GRID1: variants seen among roughly 807,000 people sequenced by gnomAD.
GRID1 encodes glutamate ionotropic receptor delta type subunit 1.
Under a neutral mutation model 98.0 loss-of-function variants are expected in GRID1, and 28 were observed. The ratio of observed to expected loss-of-function variants is 0.29; its 90% CI spans 0.21 to 0.39. The LOEUF (loss-of-function observed/expected upper bound fraction) is 0.39, where lower values mean the gene tolerates loss of function less well. GRID1 is among the 10% of genes least tolerant of loss of function. The pLI is 1.00. For missense variants in GRID1, 1,111 were observed against 1,340.5 expected, an observed-to-expected ratio of 0.83 and a Z score of 2.67; for synonymous variants, 553 against 538.5, an observed-to-expected ratio of 1.03 and a Z score of -0.37.
At chr10:86,273,448 A>G (rs1011906709) in intron 2 of GRID1, among the ~76,000 whole-genome samples, 10 of 150,584 alleles carry the variant, frequency 6.6e-5, no homozygotes, top group Non-Finnish European at 1.0e-4. Flanking sequence ...TGGCTGGGTC[A>G]AATGGTAATT....
intron 3 of GRID1, among the ~76,000 whole-genome samples, chr10:86,168,276 G>T (rs57450431): frequency 6.6e-6 from 1 of 152,308 alleles, no homozygotes; most frequent in East Asian, 1.9e-4. Context: ...ACCACTTTGA[G>T]CCTCAGTTTC....
At chr10:85,973,090 A>T (rs1842428092) in intron 4 of GRID1, among the ~76,000 whole-genome samples, 2 of 152,296 alleles carry the variant, frequency 1.3e-5, no homozygotes, top group South Asian at 4.1e-4. Context: ...GGTGAACTGA[A>T]CCTTATTCAT....
intron 3 of GRID1, among the ~76,000 whole-genome samples, chr10:86,163,046 G>A (rs755215204): frequency 1.3e-5 from 2 of 152,222 alleles, no homozygotes; most frequent in Admixed American, 1.3e-4. Flanking sequence ...GAAACACAGG[G>A]GCTGAGATTC....
intron 4 of GRID1, among the ~76,000 whole-genome samples, chr10:86,032,886 T>A (rs1034986387): frequency 1.3e-5 from 2 of 150,546 alleles, no homozygotes; most frequent in African/African-American, 2.4e-5. Flanking sequence ...CCATTCAGTA[T>A]TCAAATTTCC....
intron 4 of GRID1, among the ~76,000 whole-genome samples, chr10:86,073,616 A>G (rs931651638): frequency 6.6e-6 from 1 of 152,206 alleles, no homozygotes; most frequent in African/African-American, 2.4e-5. Context: ...GCTGGCATGC[A>G]CACCTGTCTT....
At position 86,342,827 on chromosome 10, in the gene GRID1, G is replaced by T. The variant is rs116652658; in HGVS notation, c.235+21114C>A. Among the ~76,000 whole-genome samples the T allele has an allele frequency of 3.7e-3, 569 of 152,360 alleles. 3 individuals carry two copies. The highest frequency in any genetic ancestry group is 0.01 in the Middle Eastern group (3 of 294). ...GGCCCGACAGCCCATTCCGGAGAAGGGCTGACCATTGAAAGGTCTTATTTG... is the reference window on the plus strand; with the variant it reads ...GGCCCGACAGCCCATTCCGGAGAAGTGCTGACCATTGAAAGGTCTTATTTG... On this transcript the variant is annotated intron_variant, in intron 2 of 15. Coordinates refer to ENST00000327946, the MANE Select transcript of GRID1 (RefSeq NM_017551.3).
At chr10:86,364,904 A>G (rs887256957) in intron 1 of GRID1, among the ~76,000 whole-genome samples, 16 of 152,068 alleles carry the variant, frequency 1.1e-4, no homozygotes, top group African/African-American at 3.6e-4. Context: ...TTGTGCGCCT[A>G]GCACAGCTTC....
intron 8 of GRID1, among the ~76,000 whole-genome samples, chr10:85,770,041 C>G (rs1309035723): frequency 6.6e-6 from 1 of 152,206 alleles, no homozygotes; most frequent in Non-Finnish European, 1.5e-5. Flanking sequence ...GACCCTAACC[C>G]CTGACCCCTG....
chr10:85,875,485 T>C (rs1426025481), intron 5 of GRID1, among the ~76,000 whole-genome samples: 1 of 152,148 alleles, frequency 6.6e-6, no homozygotes, highest in Non-Finnish European at 1.5e-5. Flanking sequence ...TTTATATTCA[T>C]TATGATTATT....
In GRID1 at chr10:86,336,672, T is replaced by C. The variant is rs537639081; in HGVS notation, c.235+27269A>G. 5.9e-5 allele frequency among the ~76,000 whole-genome samples: 9 copies of C among 152,326 alleles called. 1 individual carries two copies. The South Asian group carries it at 1.9e-3, about 32-fold the overall frequency. On this transcript the variant is annotated intron_variant, in intron 2 of 15. Coordinates refer to ENST00000327946, the MANE Select transcript of GRID1 (RefSeq NM_017551.3). Reference sequence around the variant, plus strand: ...ATATCAGGTACTAAAGCGCAATGATTAGGTGACAAACCTCATTTGCCAGAA... The same window carrying C: ...ATATCAGGTACTAAAGCGCAATGATCAGGTGACAAACCTCATTTGCCAGAA...
chr10:85,892,735 C>T (rs1451005801), intron 5 of GRID1, among the ~76,000 whole-genome samples: 1 of 151,900 alleles, frequency 6.6e-6, no homozygotes, highest in Non-Finnish European at 1.5e-5. Flanking sequence ...TTCAGAGGAA[C>T]CTTTTCAGAC....
intron 2 of GRID1, among the ~76,000 whole-genome samples, chr10:86,348,532 C>A (rs142890087): frequency 1.1e-3 from 174 of 152,348 alleles, no homozygotes; most frequent in Non-Finnish European, 2.2e-3. Context: ...TGTGACCCTG[C>A]AGGCCAGCAG....
intron 5 of GRID1, among the ~76,000 whole-genome samples, chr10:85,878,083 A>G (rs1206428718): frequency 6.6e-6 from 1 of 152,248 alleles, no homozygotes; most frequent in African/African-American, 2.4e-5. Flanking sequence ...ACGAATAAAA[A>G]GAAAGGAACA....
intron 8 of GRID1, among the ~76,000 whole-genome samples, chr10:85,794,437 T>C (rs1016271102): frequency 6.6e-6 from 1 of 152,216 alleles, no homozygotes; most frequent in Non-Finnish European, 1.5e-5. Context: ...ATGAATTTTA[T>C]AAGTGTGTTT....
At chr10:85,687,576 G>C (rs148727629) in intron 12 of GRID1, among the ~76,000 whole-genome samples, 1 of 151,986 alleles carries the variant, frequency 6.6e-6, no homozygotes, top group Non-Finnish European at 1.5e-5. Flanking sequence ...GCTGCAATGA[G>C]CTAAGATGGC....
chr10:86,186,607 C>G (rs191991734), intron 3 of GRID1, among the ~76,000 whole-genome samples: 83 of 152,306 alleles, frequency 5.4e-4, no homozygotes, highest in African/African-American at 1.9e-3. Flanking sequence ...AGTTCAATAG[C>G]CTGCCTGAAC....
chr10:86,355,197 G>T (rs1309282973), intron 2 of GRID1, among the ~76,000 whole-genome samples: 1 of 152,248 alleles, frequency 6.6e-6, no homozygotes, highest in South Asian at 2.1e-4. Flanking sequence ...AACCGAGGTT[G>T]CCCACCCAGA....
At chr10:86,025,255 T>C (rs1246883494) in intron 4 of GRID1, among the ~76,000 whole-genome samples, 1 of 152,158 alleles carries the variant, frequency 6.6e-6, no homozygotes, top group South Asian at 2.1e-4. Context: ...AGTCTTCCTT[T>C]TGGGAGCACT....
chr10:85,919,244 C>T (rs1044475402), intron 4 of GRID1, among the ~76,000 whole-genome samples: 1 of 152,220 alleles, frequency 6.6e-6, no homozygotes, highest in African/African-American at 2.4e-5. Flanking sequence ...GAAGTACTTC[C>T]ACCTAGTATC....
Sources: gnomAD v4.1 joint callset for allele counts (sites outside exome capture counted in the v4.1 genomes callset) on GRCh38, gnomAD v4.1.1 for gene constraint, MANE v1.5 for transcripts, NCBI Gene and HGNC (gene_info 2026-07-23, HGNC 2026-07-21) for gene names.